ARHGEF37: variants seen among roughly 807,000 people sequenced by gnomAD.
ARHGEF37 encodes Rho guanine nucleotide exchange factor 37.
ARHGEF37 carries 55 observed loss-of-function variants against 71.1 expected under a neutral mutation model. The observed-to-expected ratio is 0.77, with a 90% confidence interval of 0.62 to 0.97. The LOEUF is 0.97. ARHGEF37 is among the 50% of genes least tolerant of loss of function. The pLI is 0.00. For synonymous variants in ARHGEF37, 327 were observed against 350.6 expected (o/e 0.93, Z 0.75); for missense variants, 765 against 836.8 (o/e 0.91, Z 1.06).
At position 149,618,201 on chromosome 5, in the gene ARHGEF37, G is replaced by T. The variant is rs1384185285; in HGVS notation, c.684G>T (p.Gln228His). ...CCTCCAAGTACACCAAGGTAGAGCAGCTGACCCTCCGGGAGCGGCTGGCCC... is the reference window on the plus strand; with the variant it reads ...CCTCCAAGTACACCAAGGTAGAGCATCTGACCCTCCGGGAGCGGCTGGCCC... ...EVASKYTKVE[Q>H]LTLRERLARI... Residue 228 changes from glutamine to histidine, a missense_variant, in exon 6 of 13, where the codon CAG (glutamine) becomes CAT (histidine). By Grantham distance (24) the Gln-to-His change is conservative. Transcript: ENST00000333677. 14 of 1,614,096 alleles carry T rather than the reference G, an allele frequency of 8.7e-6. No homozygotes were observed. Among genetic ancestry groups the T allele is most frequent in the African/African-American group, 1.3e-5 (1 of 74,942 alleles).
intron 1 of ARHGEF37, among the ~76,000 whole-genome samples, chr5:149,572,570 C>CT (rs1762980458): frequency 6.6e-6 from 1 of 152,166 alleles, no homozygotes; most frequent in Non-Finnish European, 1.5e-5. Context: ...TGAGGGTTAA[C>CT]GTATCAACTT....
chr5:149,609,719 C>G (rs1764024822), intron 4 of ARHGEF37, 24 bp downstream of exon 4: 1 of 1,611,832 alleles, frequency 6.2e-7, no homozygotes, highest in Non-Finnish European at 8.5e-7. Flanking sequence ...CCAGTGAGCA[C>G]TCGCTCCTAC....
chr5:149,575,411 C>A (rs942818770), intron 1 of ARHGEF37, among the ~76,000 whole-genome samples: 2 of 152,154 alleles, frequency 1.3e-5, no homozygotes, highest in Admixed American at 1.3e-4. Context: ...CCAATAAGAT[C>A]CCAGTTTTGT....
intron 3 of ARHGEF37, among the ~76,000 whole-genome samples, chr5:149,601,762 A>G (rs1173609816): frequency 6.6e-6 from 1 of 152,220 alleles, no homozygotes; most frequent in East Asian, 1.9e-4. Context: ...AGTGTCAGGA[A>G]GGAGCTAGCC....
At chr5:149,575,877 C>T (rs1351769114) in intron 1 of ARHGEF37, among the ~76,000 whole-genome samples, 9 of 150,974 alleles carry the variant, frequency 6.0e-5, no homozygotes, top group African/African-American at 1.7e-4. Context: ...AACCCCCTGC[C>T]GTCCCCCCCC....
At chr5:149,556,366 G>GTATTTATT (rs34107862) in intron 1 of ARHGEF37, among the ~76,000 whole-genome samples, 41,137 of 142,516 alleles carry the variant, frequency 0.29, 6,613 homozygotes, top group African/African-American at 0.4. Flanking sequence ...GCTAGTTTTT[G>GTATTTATT]TATTTATTTA....
chr5:149,560,570 C>G (rs771054043), intron 1 of ARHGEF37, among the ~76,000 whole-genome samples: 1 of 152,090 alleles, frequency 6.6e-6, no homozygotes. Flanking sequence ...TAAATATTTT[C>G]CTGGACTTCA....
intron 12 of ARHGEF37, among the ~76,000 whole-genome samples, chr5:149,631,138 TCC>T (rs1159117884): frequency 6.2e-4 from 69 of 111,426 alleles, no homozygotes; most frequent in African/African-American, 1.8e-3. Context: ...CTTTCTTTCT[TCC>T]TTCCTTCTTT....
rs1166816550 is a variant in ARHGEF37 at position 149,581,565 on chromosome 5, G to C, written c.-71G>C. 6.6e-6 allele frequency: 1 copy of C among 152,078 alleles called. No homozygotes were observed. The highest frequency in any genetic ancestry group is 2.4e-5 in the African/African-American group (1 of 41,448). The allele number at this position is 152,078 out of a possible 1,614,324, so 9.4% of individuals were successfully genotyped here. ...GACGCGCCCCTCCTGCCCCGGCTGCGCTGTTGCCCGGGCGGCCGACCTCCG... is the reference window on the plus strand; with the variant it reads ...GACGCGCCCCTCCTGCCCCGGCTGCCCTGTTGCCCGGGCGGCCGACCTCCG... On this transcript the variant is annotated 5_prime_UTR_variant, in exon 1 of 13. Coordinates refer to ENST00000333677, the MANE Select transcript of ARHGEF37 (RefSeq NM_001001669.3).
intron 12 of ARHGEF37, among the ~76,000 whole-genome samples, chr5:149,629,229 T>C (rs1483015055): frequency 6.6e-6 from 1 of 152,082 alleles, no homozygotes; most frequent in Admixed American, 6.5e-5. Context: ...CATTCATTCA[T>C]TCATTCATTC....
At position 149,621,758 on chromosome 5, in the gene ARHGEF37, G is replaced by A. The variant is rs1260715426; in HGVS notation, c.1031G>A (p.Trp344Ter). The A allele has an allele frequency of 6.2e-7, 1 of 1,613,098 alleles. No homozygotes were observed. The highest frequency in any genetic ancestry group is 8.5e-7 in the Non-Finnish European group (1 of 1,179,398). Residue 344 changes from tryptophan (W) to a stop codon, truncating the protein, a stop_gained, in exon 9 of 13, where the codon TGG (tryptophan) becomes TAG (stop). Coordinates refer to ENST00000333677, the MANE Select transcript of ARHGEF37 (RefSeq NM_001001669.3). LOFTEE classifies it high-confidence loss of function. The stretch of plus-strand genomic sequence containing the variant: ...AAGCAACGGCTAGAAGGCCTGGTGT[G>A]GCAGCCACTGTGCAGCCTGGCCAAA... ...KFKQRLEGLV[W>*]QPLCSLAKAL...
At chr5:149,596,109 T>C (rs1343645640) in intron 1 of ARHGEF37, among the ~76,000 whole-genome samples, 3 of 152,162 alleles carry the variant, frequency 2.0e-5, no homozygotes, top group African/African-American at 7.2e-5. Flanking sequence ...CCCCTCTACT[T>C]TGGGCCACAG....
intron 1 of ARHGEF37, among the ~76,000 whole-genome samples, chr5:149,553,796 CAT>C (rs1762716534): frequency 6.6e-6 from 1 of 152,204 alleles, no homozygotes; most frequent in Non-Finnish European, 1.5e-5. Flanking sequence ...AGTCTTTTCA[CAT>C]ATGTGTCATT....
intron 2 of ARHGEF37, among the ~76,000 whole-genome samples, chr5:149,598,765 G>GATATAGATATAGATATATAGATATAGAT: frequency 7.1e-6 from 1 of 140,220 alleles, no homozygotes; most frequent in African/African-American, 2.8e-5. Flanking sequence ...TATAGATATA[G>GATATAGATATAGATATATAGATATAGAT]ATATAGATAT....
rs545022506 is a variant in ARHGEF37, at chr5:149,568,016, C to T, written c.-12+15893C>T. ...TATACATCTAATTCCAGTCCAACTT[C>T]ACAAGGTGCATTCTAGTGTTCTTCT... is the stretch of plus-strand genomic sequence containing the variant. On this transcript the variant is annotated intron_variant, in intron 1 of 2. Transcript: ENST00000505810. Among the ~76,000 whole-genome samples, 3 of 152,252 alleles carry T rather than the reference C, an allele frequency of 2.0e-5. No homozygotes were observed. The South Asian group carries it at 6.2e-4, about 32-fold the overall frequency.
At chr5:149,618,415 G>T in intron 6 of ARHGEF37, 109 bp downstream of exon 6, 1 of 1,495,178 alleles carries the variant, frequency 6.7e-7, no homozygotes, top group Non-Finnish European at 9.0e-7. Context: ...AGGCAATGGA[G>T]GCTGAGAGAT....
At position 149,598,959 on chromosome 5, in the gene ARHGEF37, G is replaced by A. The variant is rs114935288; in HGVS notation, c.186+1004G>A. Among the ~76,000 whole-genome samples the A allele has an allele frequency of 6.3e-3, 966 of 152,182 alleles. 3 individuals carry two copies. Among genetic ancestry groups the A allele is most frequent in the Middle Eastern group, 0.01 (3 of 290 alleles). ...GCAGGAAGGCCAGGAGGCACCAGCT[G>A]TCTTGGGAATCACCTTGAGATGTGC... On this transcript the variant is annotated intron_variant, in intron 2 of 12. Coordinates refer to ENST00000333677, the MANE Select transcript of ARHGEF37 (RefSeq NM_001001669.3).
At chr5:149,627,306 G>T in intron 11 of ARHGEF37, 35 bp downstream of exon 11, 1 of 1,595,410 alleles carries the variant, frequency 6.3e-7, no homozygotes, top group Non-Finnish European at 8.5e-7. Context: ...CTTCTCCTTC[G>T]GGGAAAACCA....
intron 10 of ARHGEF37, 168 bp from the exon 11 acceptor site, chr5:149,626,908 A>T: frequency 1.9e-6 from 1 of 524,580 alleles, no homozygotes; most frequent in South Asian, 5.9e-5. Context: ...GCTAAGAGCC[A>T]GCCATCTGCT....
Sources: allele counts gnomAD v4.1 joint callset (sites outside exome capture counted in the v4.1 genomes callset), GRCh38; gene constraint gnomAD v4.1.1; transcripts MANE v1.5; gene names NCBI Gene and HGNC (gene_info 2026-07-23, HGNC 2026-07-21).